Variants in PTPRD observed in about 807,000 individuals in gnomAD.
PTPRD encodes protein tyrosine phosphatase receptor type D.
A neutral mutation model predicts 214.5 loss-of-function variants in PTPRD; 34 were observed. The ratio of observed to expected loss-of-function variants is 0.16; its 90% confidence interval spans 0.12 to 0.21. The LOEUF (loss-of-function observed/expected upper bound fraction) is 0.21. PTPRD is among the 10% of genes least tolerant of loss of function. The pLI is 1.00. For synonymous variants in PTPRD, 1,128 were observed against 845.7 expected, an observed-to-expected ratio of 1.33 and a Z score of -5.79; for missense variants, 2,545 against 2,398.7, an observed-to-expected ratio of 1.06 and a Z score of -1.27.
At chr9:8,452,492 C>CT (rs1178002568) in intron 33 of PTPRD, among the ~76,000 whole-genome samples, 1 of 152,036 alleles carries the variant, frequency 6.6e-6, no homozygotes, top group Non-Finnish European at 1.5e-5. Flanking sequence ...AACTAGTAAC[C>CT]TTTTTTCCTG....
chr9:9,365,331 T>C (rs1019612664), intron 9 of PTPRD, among the ~76,000 whole-genome samples: 6 of 151,564 alleles, frequency 4.0e-5, no homozygotes, highest in African/African-American at 1.5e-4. Flanking sequence ...ATATAATCTT[T>C]CACATATAGT....
At chr9:10,369,972 A>G (rs2097580310) in intron 2 of PTPRD, among the ~76,000 whole-genome samples, 1 of 152,056 alleles carries the variant, frequency 6.6e-6, no homozygotes, top group Non-Finnish European at 1.5e-5. Context: ...TACTATACAT[A>G]TATTATTTCA....
At chr9:9,893,350 C>A (rs2074001132) in intron 5 of PTPRD, among the ~76,000 whole-genome samples, 2 of 151,942 alleles carry the variant, frequency 1.3e-5, no homozygotes, top group South Asian at 4.2e-4. Flanking sequence ...GATAAGGAAC[C>A]AAGAGCCATT....
chr9:9,580,055 G>T (rs945082176), intron 7 of PTPRD, among the ~76,000 whole-genome samples: 12 of 151,964 alleles, frequency 7.9e-5, no homozygotes, highest in Admixed American at 7.9e-4. Context: ...GCCGAATAGT[G>T]TTCCATACTA....
At chr9:10,168,414 A>T (rs139036470) in intron 3 of PTPRD, among the ~76,000 whole-genome samples, 4 of 152,310 alleles carry the variant, frequency 2.6e-5, no homozygotes, top group East Asian at 3.9e-4. Context: ...CTGCAGCACA[A>T]TGATGTTTTC....
chr9:10,164,517 T>A (rs1202920143), intron 3 of PTPRD, among the ~76,000 whole-genome samples: 1 of 151,580 alleles, frequency 6.6e-6, no homozygotes, highest in Non-Finnish European at 1.5e-5. Context: ...ATGGAAGATC[T>A]AATTGAGTGT....
chr9:10,112,123 C>T (rs895608863), intron 3 of PTPRD, among the ~76,000 whole-genome samples: 2 of 152,132 alleles, frequency 1.3e-5, no homozygotes, highest in African/African-American at 4.8e-5. Flanking sequence ...CCCTTTTGCC[C>T]TAAGTGCTTT....
intron 8 of PTPRD, among the ~76,000 whole-genome samples, chr9:9,517,479 A>G (rs1180857181): frequency 6.6e-6 from 1 of 151,976 alleles, no homozygotes; most frequent in Non-Finnish European, 1.5e-5. Flanking sequence ...CTATAACACA[A>G]CTGTTCACTT....
At chr9:10,040,365 C>T (rs562526697) in intron 3 of PTPRD, among the ~76,000 whole-genome samples, 2 of 152,120 alleles carry the variant, frequency 1.3e-5, no homozygotes, top group South Asian at 4.1e-4. Context: ...ATTTTAGATA[C>T]ACCTAATAAG....
At chr9:9,804,122 A>C (rs766197036) in intron 5 of PTPRD, among the ~76,000 whole-genome samples, 2 of 152,130 alleles carry the variant, frequency 1.3e-5, no homozygotes, top group Non-Finnish European at 2.9e-5. Context: ...TCTAACCTCA[A>C]GAAAAACTAT....
At chr9:10,423,241 T>G (rs138478934) in intron 2 of PTPRD, among the ~76,000 whole-genome samples, 2,985 of 151,814 alleles carry the variant, frequency 0.02, 103 homozygotes, top group African/African-American at 0.067. Flanking sequence ...CACTCATAGG[T>G]GGGAATTGAA....
At chr9:9,106,445 C>T (rs947446141) in intron 10 of PTPRD, among the ~76,000 whole-genome samples, 1 of 151,358 alleles carries the variant, frequency 6.6e-6, no homozygotes, top group Non-Finnish European at 1.5e-5. Flanking sequence ...AAATTATAAG[C>T]TATAGTTAAA....
At chr9:8,890,014 C>T (rs146547616) in intron 11 of PTPRD, among the ~76,000 whole-genome samples, 2 of 152,270 alleles carry the variant, frequency 1.3e-5, no homozygotes, top group African/African-American at 4.8e-5. Context: ...ATTCTGCTTT[C>T]AGTTATTTAA....
At chr9:8,954,622 G>A (rs911546999) in intron 11 of PTPRD, among the ~76,000 whole-genome samples, 1 of 151,830 alleles carries the variant, frequency 6.6e-6, no homozygotes, top group Non-Finnish European at 1.5e-5. Flanking sequence ...CTTGGGCTGT[G>A]GAGAGCTGTT....
chr9:9,387,164 G>C (rs1216830352), intron 9 of PTPRD, among the ~76,000 whole-genome samples: 1 of 152,156 alleles, frequency 6.6e-6, no homozygotes, highest in East Asian at 1.9e-4. Context: ...CAGTACTTCA[G>C]CTAGGGCATC....
At chr9:8,703,091 C>G (rs2154396913) in intron 12 of PTPRD, among the ~76,000 whole-genome samples, 1 of 152,258 alleles carries the variant, frequency 6.6e-6, no homozygotes, top group Non-Finnish European at 1.5e-5. Flanking sequence ...AGCAGAAGAG[C>G]TGGTCAGATA....
At chr9:9,774,258 T>A (rs2098778391) in intron 5 of PTPRD, among the ~76,000 whole-genome samples, 1 of 152,212 alleles carries the variant, frequency 6.6e-6, no homozygotes, top group Admixed American at 6.5e-5. Flanking sequence ...CCTAGAGGAC[T>A]TTTTATCTAA....
At chr9:10,218,734 G>T (rs536802861) in intron 3 of PTPRD, among the ~76,000 whole-genome samples, 7 of 151,704 alleles carry the variant, frequency 4.6e-5, no homozygotes, top group African/African-American at 1.7e-4. Flanking sequence ...AAATGCACTG[G>T]ATATTTATAA....
At chr9:8,857,728 G>T (rs1030658427) in intron 11 of PTPRD, 3 of 155,896 alleles carry the variant, frequency 1.9e-5, no homozygotes, top group Non-Finnish European at 4.2e-5. Context: ...CGCCACGGCC[G>T]CGCCGCCGCC....
Sources: gnomAD v4.1 joint callset for allele counts (sites outside exome capture counted in the v4.1 genomes callset) on GRCh38, gnomAD v4.1.1 for gene constraint, MANE v1.5 for transcripts, NCBI Gene and HGNC (gene_info 2026-07-23, HGNC 2026-07-21) for gene names.